The following ANGPT2 variants were observed in gnomAD, a reference collection of about 807,000 sequenced individuals.
ANGPT2 encodes angiopoietin 2.
Under a neutral mutation model 62.9 loss-of-function variants are expected in ANGPT2, and 28 were observed. That is an observed-to-expected ratio of 0.44 (90% CI 0.33 to 0.61). The LOEUF is 0.61. Ranked by LOEUF, ANGPT2 falls within the 20% of genes least tolerant of loss-of-function variation. The probability of loss-of-function intolerance (pLI) is 0.03; values close to 1 mark genes in which losing one functional copy is unlikely to be tolerated. For synonymous variants in ANGPT2, 284 were observed against 207.8 expected, an observed-to-expected ratio of 1.37 and a Z score of -3.15; for missense variants, 727 against 594.9, an observed-to-expected ratio of 1.22 and a Z score of -2.31.
intron 3 of ANGPT2, among the ~76,000 whole-genome samples, chr8:6,522,238 A>C (rs2515447): frequency 0.064 from 9,666 of 152,010 alleles, 332 homozygotes; most frequent in African/African-American, 0.081. Context: ...GCCTGTAGTC[A>C]CAGCTACTCT....
At chr8:6,522,557 A>G (rs924372440) in intron 3 of ANGPT2, among the ~76,000 whole-genome samples, 1 of 152,008 alleles carries the variant, frequency 6.6e-6, no homozygotes, top group African/African-American at 2.4e-5. Context: ...GTGTATCACT[A>G]GAGTCCAGGA....
intron 1 of ANGPT2, 93 bp downstream of exon 1, chr8:6,562,549 CTTCTT>C: frequency 1.1e-5 from 1 of 87,292 alleles, no homozygotes; most frequent in Non-Finnish European, 2.1e-5. Context: ...CTTCATCCTC[CTTCTT>C]TTTTTTTTTT....
At chr8:6,505,559 A>G (rs1211168283) in intron 8 of ANGPT2, among the ~76,000 whole-genome samples, 1 of 60,266 alleles carries the variant, frequency 1.7e-5, no homozygotes, top group African/African-American at 6.9e-5. Flanking sequence ...TATACTTTAT[A>G]TATGTATATA....
At position 6,500,058 on chromosome 8, in the gene ANGPT2, A is replaced by G. The variant is rs564608305; in HGVS notation, c.*3043T>C. ...TATGCCCATAATTAAAAAGACATTC[A>G]CAGAACTTAACACCTTTTATCAATT... On this transcript the variant is annotated 3_prime_UTR_variant, in exon 9 of 9. Transcript: ENST00000629816. 9 of 755,628 alleles carry G rather than the reference A, an allele frequency of 1.2e-5. No individual in the cohort carries two copies. The East Asian group carries it at 2.3e-4, about 19-fold the overall frequency. 46.8% of individuals were successfully genotyped at this position (755,628 alleles called of 1,614,324 possible). A position where few individuals can be genotyped will look rare whatever the true frequency, so the allele number is the denominator to read the frequency against.
intron 1 of ANGPT2, among the ~76,000 whole-genome samples, chr8:6,561,138 T>A (rs3020238): frequency 0.024 from 3,629 of 152,342 alleles, 133 homozygotes; most frequent in African/African-American, 0.081. Flanking sequence ...GCATACTTTT[T>A]AAGCTTAGCG....
At chr8:6,550,634 C>T (rs751008366) in intron 1 of ANGPT2, among the ~76,000 whole-genome samples, 1 of 152,182 alleles carries the variant, frequency 6.6e-6, no homozygotes, top group Non-Finnish European at 1.5e-5. Context: ...TCTGTCGGCC[C>T]TCCTGACCCA....
chr8:6,544,496 T>A (rs1822184452), intron 1 of ANGPT2, among the ~76,000 whole-genome samples: 1 of 152,176 alleles, frequency 6.6e-6, no homozygotes, highest in Non-Finnish European at 1.5e-5. Context: ...GTCAAACTGT[T>A]TTTTACAAAA....
chr8:6,513,016 A>G (rs1815484722), intron 7 of ANGPT2, among the ~76,000 whole-genome samples: 2 of 152,246 alleles, frequency 1.3e-5, no homozygotes, highest in African/African-American at 2.4e-5. Flanking sequence ...CAGCACAGTC[A>G]CAAGTATCCA....
At chr8:6,504,230 A>G (rs1207597531) in intron 8 of ANGPT2, among the ~76,000 whole-genome samples, 1 of 144,850 alleles carries the variant, frequency 6.9e-6, no homozygotes, top group African/African-American at 2.6e-5. Context: ...AGGCAGGAGA[A>G]TGGCGTGAAC....
chr8:6,546,943 G>T (rs756779358), intron 1 of ANGPT2, among the ~76,000 whole-genome samples: 2 of 152,232 alleles, frequency 1.3e-5, no homozygotes, highest in Admixed American at 1.3e-4. Context: ...AAACAGCCAT[G>T]TTCCTTGCAA....
intron 1 of ANGPT2, among the ~76,000 whole-genome samples, chr8:6,556,326 C>G (rs1291649624): frequency 6.6e-6 from 1 of 152,056 alleles, no homozygotes; most frequent in Non-Finnish European, 1.5e-5. Flanking sequence ...TTTGTATATT[C>G]TCCATTTTTT....
At chr8:6,543,754 G>T (rs1822032758) in intron 1 of ANGPT2, among the ~76,000 whole-genome samples, 3 of 152,046 alleles carry the variant, frequency 2.0e-5, no homozygotes, top group Non-Finnish European at 4.4e-5. Flanking sequence ...TCGACCTCTG[G>T]TTCAGTTCCC....
chr8:6,555,032 T>C (rs1158234341), intron 1 of ANGPT2, among the ~76,000 whole-genome samples: 1 of 152,230 alleles, frequency 6.6e-6, no homozygotes, highest in Non-Finnish European at 1.5e-5. Context: ...CCTTCCCCTT[T>C]TTTTTAAACC....
rs1812489892 is a variant in ANGPT2 at position 6,502,984 on chromosome 8, A to T, written c.*117T>A. The T allele has an allele frequency of 3.1e-5, 38 of 1,245,478 alleles. No homozygotes were observed. Among genetic ancestry groups the T allele is most frequent in the Non-Finnish European group, 3.5e-5 (31 of 883,430 alleles). The allele number at this position is 1,245,478 out of a possible 1,614,324, so 77.2% of individuals were successfully genotyped here. ...TCTGGAGCATGTGGGTCCCGTCAGC[A>T]CCGAGCACACGCCCTCTGTGGTGGA... On this transcript the variant is annotated 3_prime_UTR_variant, in exon 9 of 9. Coordinates refer to ENST00000629816, the MANE Select transcript of ANGPT2 (RefSeq NM_001118887.2).
chr8:6,524,781 A>T (rs531525538), intron 3 of ANGPT2, among the ~76,000 whole-genome samples: 1 of 152,358 alleles, frequency 6.6e-6, no homozygotes, highest in East Asian at 1.9e-4. Flanking sequence ...TAAGGTCTGT[A>T]AATAGAAGTT....
intron 1 of ANGPT2, among the ~76,000 whole-genome samples, chr8:6,552,270 G>A (rs1823777084): frequency 6.6e-6 from 1 of 152,196 alleles, no homozygotes; most frequent in Non-Finnish European, 1.5e-5. Context: ...CACTGAACCT[G>A]AAGGGATGAA....
At position 6,505,308 on chromosome 8, in the gene ANGPT2, TAAC is replaced by T. The variant is rs1276570661; in HGVS notation, c.1328-2050_1328-2048del. 2.9e-3 allele frequency among the ~76,000 whole-genome samples: 129 copies of T among 44,742 alleles called. 4 individuals carry two copies. The highest frequency in any genetic ancestry group is 0.014 in the African/African-American group (97 of 7,004). 29.4% of individuals were successfully genotyped at this position (44,742 alleles called of 152,430 possible). On this transcript the variant is annotated intron_variant, in intron 8 of 8. Transcript: ENST00000629816. Reference sequence around the variant, plus strand: ...TATGTTATATACATATATATGTATATAACATATATATGTTATATACATATAGAA... The same window carrying T: ...TATGTTATATACATATATATGTATATATATATATGTTATATACATATAGAA...
intron 1 of ANGPT2, among the ~76,000 whole-genome samples, chr8:6,556,084 G>T (rs1338270312): frequency 6.6e-6 from 1 of 152,132 alleles, no homozygotes; most frequent in Non-Finnish European, 1.5e-5. Context: ...GTCCCAGTGG[G>T]CGAGAATTGC....
chr8:6,553,184 C>T (rs569984600), intron 1 of ANGPT2, among the ~76,000 whole-genome samples: 1 of 152,216 alleles, frequency 6.6e-6, no homozygotes, highest in African/African-American at 2.4e-5. Context: ...GGGGAGGTGG[C>T]TGTGTGTGTG....
Sources: gnomAD v4.1 joint callset for allele counts (sites outside exome capture counted in the v4.1 genomes callset) on GRCh38, gnomAD v4.1.1 for gene constraint, MANE v1.5 for transcripts, NCBI Gene and HGNC (gene_info 2026-07-23, HGNC 2026-07-21) for gene names.